The following FBXL20 variants were observed in gnomAD, a reference collection of about 807,000 sequenced individuals.
FBXL20 encodes the protein F-box and leucine rich repeat protein 20.
Under a neutral mutation model 64.0 loss-of-function variants are expected in FBXL20, and 11 were observed. The observed-to-expected ratio is 0.17, with a 90% CI of 0.11 to 0.28. The LOEUF is 0.28. Among genes scored for constraint, FBXL20 ranks in the 10% least tolerant of loss-of-function variants. The pLI, the probability that FBXL20 is intolerant of heterozygous loss-of-function variation, is 1.00. For missense variants in FBXL20, 303 were observed against 526.2 expected, an observed-to-expected ratio of 0.58 and a Z score of 4.15; for synonymous variants, 184 against 189.0, an observed-to-expected ratio of 0.97 and a Z score of 0.22.
intron 3 of FBXL20, among the ~76,000 whole-genome samples, 184 bp downstream of exon 3, chr17:39,303,401 C>T (rs1014117122): frequency 1.3e-5 from 2 of 152,044 alleles, no homozygotes; most frequent in Non-Finnish European, 2.9e-5. Context: ...AAGTCAGAGA[C>T]AGTATATATA....
intron 1 of FBXL20, among the ~76,000 whole-genome samples, chr17:39,392,402 C>T (rs1044325832): frequency 4.2e-5 from 6 of 144,334 alleles, no homozygotes; most frequent in Admixed American, 3.5e-4. Flanking sequence ...ATCACACCAC[C>T]GAATCCCAGC....
chr17:39,356,776 C>A (rs1414454406), intron 1 of FBXL20, among the ~76,000 whole-genome samples: 1 of 151,892 alleles, frequency 6.6e-6, no homozygotes, highest in Admixed American at 6.6e-5. Context: ...CCACCTCTGC[C>A]TCCTGAGAAG....
chr17:39,337,425 G>C (rs538555535), intron 2 of FBXL20, among the ~76,000 whole-genome samples: 1,634 of 152,218 alleles, frequency 0.011, 28 homozygotes, highest in African/African-American at 0.037. Flanking sequence ...GGGAAGTGAG[G>C]AGCGTCTCTG....
At chr17:39,363,810 C>CAAAAAAAAAAAACA (rs1567896910) in intron 1 of FBXL20, among the ~76,000 whole-genome samples, 1 of 26,666 alleles carries the variant, frequency 3.8e-5, no homozygotes. Context: ...GACTTTATCT[C>CAAAAAAAAAAAACA]AAAAAAAAAA....
At chr17:39,396,621 G>A (rs1339166014) in intron 1 of FBXL20, among the ~76,000 whole-genome samples, 2 of 149,024 alleles carry the variant, frequency 1.3e-5, no homozygotes, top group African/African-American at 2.5e-5. Flanking sequence ...AGAAAGAAAT[G>A]ACCAAAGTTA....
intron 6 of FBXL20, among the ~76,000 whole-genome samples, chr17:39,293,223 C>A (rs1199977383): frequency 6.8e-6 from 1 of 147,540 alleles, no homozygotes; most frequent in East Asian, 2.1e-4. Context: ...TGTTTTGGAT[C>A]ACTTTTTTTT....
chr17:39,363,810 C>CAAAAAAAAA (rs71372113), intron 1 of FBXL20, among the ~76,000 whole-genome samples: 3 of 26,646 alleles, frequency 1.1e-4, no homozygotes, highest in African/African-American at 4.9e-4. Context: ...GACTTTATCT[C>CAAAAAAAAA]AAAAAAAAAA....
intron 2 of FBXL20, among the ~76,000 whole-genome samples, chr17:39,305,641 A>G (rs2047174761): frequency 6.6e-6 from 1 of 152,172 alleles, no homozygotes. Flanking sequence ...CTTGAGGCCA[A>G]GAGTTTGAGA....
intron 10 of FBXL20, among the ~76,000 whole-genome samples, chr17:39,271,911 A>C (rs1160334910): frequency 2.0e-5 from 3 of 152,154 alleles, no homozygotes; most frequent in Admixed American, 1.3e-4. Context: ...AGTTGAAAAA[A>C]ATTGAAGTTA....
intron 9 of FBXL20, among the ~76,000 whole-genome samples, chr17:39,280,401 C>CAAAA: frequency 1.0e-5 from 1 of 100,360 alleles, no homozygotes; most frequent in Non-Finnish European, 1.9e-5. Flanking sequence ...GACTCTGTCT[C>CAAAA]AAAAAAAAAA....
intron 2 of FBXL20, among the ~76,000 whole-genome samples, chr17:39,318,217 T>C (rs536450697): frequency 4.6e-5 from 7 of 152,128 alleles, no homozygotes; most frequent in African/African-American, 1.7e-4. Context: ...AAGAATTCCA[T>C]GAGAAAGAGT....
At chr17:39,261,812 G>C (rs989448647) in intron 14 of FBXL20, among the ~76,000 whole-genome samples, 6 of 152,088 alleles carry the variant, frequency 3.9e-5, no homozygotes, top group African/African-American at 1.4e-4. Flanking sequence ...GCCGGGCGCG[G>C]TGGCTCACGC....
intron 2 of FBXL20, among the ~76,000 whole-genome samples, chr17:39,331,779 T>C (rs1377731894): frequency 6.6e-6 from 1 of 152,230 alleles, no homozygotes; most frequent in Admixed American, 6.5e-5. Flanking sequence ...AGAGAAACTC[T>C]CCTAAATGAC....
intron 2 of FBXL20, among the ~76,000 whole-genome samples, chr17:39,329,364 T>G (rs147916416): frequency 6.6e-6 from 1 of 152,044 alleles, no homozygotes; most frequent in Non-Finnish European, 1.5e-5. Flanking sequence ...GACTGAAAAA[T>G]TGTTGCAGAT....
At chr17:39,396,657 G>C (rs982620429) in intron 1 of FBXL20, among the ~76,000 whole-genome samples, 5 of 149,026 alleles carry the variant, frequency 3.4e-5, no homozygotes, top group African/African-American at 2.5e-5. Flanking sequence ...AAAAAATTAA[G>C]ATTAATATGC....
At chr17:39,355,424 T>C (rs528859645) in intron 1 of FBXL20, among the ~76,000 whole-genome samples, 155 of 152,348 alleles carry the variant, frequency 1.0e-3, no homozygotes, top group African/African-American at 3.5e-3. Flanking sequence ...ATTTGATTAT[T>C]TGATTTGCAA....
At chr17:39,301,449 C>T (rs1016897745) in intron 3 of FBXL20, among the ~76,000 whole-genome samples, 4 of 152,000 alleles carry the variant, frequency 2.6e-5, no homozygotes, top group South Asian at 2.1e-4. Flanking sequence ...AAAACTTGGT[C>T]GGGCATGGTG....
chr17:39,265,306 T>A, intron 13 of FBXL20, 91 bp downstream of exon 13: 1 of 954,778 alleles, frequency 1.0e-6, no homozygotes. Context: ...CCTAAAATGG[T>A]AGCCAGACAC....
At chr17:39,401,724 G>T (rs1041289863), upstream of FBXL20, 38 of 1,117,798 alleles carry the variant, frequency 3.4e-5, no homozygotes, top group Non-Finnish European at 4.0e-5. Context: ...GCGCCCGGGA[G>T]GGGGAGGGGC....
Sources: allele counts gnomAD v4.1 joint callset (sites outside exome capture counted in the v4.1 genomes callset), GRCh38; gene constraint gnomAD v4.1.1; transcripts MANE v1.5; gene names NCBI Gene and HGNC (gene_info 2026-07-23, HGNC 2026-07-21).